ST3GAL1: variants seen among roughly 807,000 people sequenced by gnomAD.
ST3GAL1 encodes ST3 beta-galactoside alpha-2,3-sialyltransferase 1.
Under a neutral mutation model 34.1 loss-of-function variants are expected in ST3GAL1, and 16 were observed. The observed-to-expected ratio is 0.47, with a 90% CI of 0.32 to 0.71. The LOEUF (loss-of-function observed/expected upper bound fraction) is 0.71. ST3GAL1 is among the 30% of genes least tolerant of loss of function. The pLI is 0.04. For missense variants in ST3GAL1, 353 were observed against 447.4 expected (o/e 0.79, Z 1.90); for synonymous variants, 191 against 184.7 (o/e 1.03, Z -0.28).
At position 133,556,103 on chromosome 8, in the gene ST3GAL1, C is replaced by G. The variant is rs899186272; in HGVS notation, c.-581-10177G>C. On this transcript the variant is annotated intron_variant, in intron 1 of 9. Coordinates refer to ENST00000522652, the MANE Select transcript of ST3GAL1 (RefSeq NM_173344.3). This position sits in a 1 kb window ranked among gnomAD's most constrained non-coding sequence, Gnocchi z 8.9. ...TAGAGACGGGGTTTCATCATGTTGC[C>G]CAGGCTGATCTCGAACTCCTGAGCT... Among the ~76,000 whole-genome samples the G allele has an allele frequency of 7.9e-5, 12 of 152,052 alleles. No homozygotes were observed. Among genetic ancestry groups the G allele is most frequent in the African/African-American group, 2.9e-4 (12 of 41,378 alleles).
At chr8:133,562,132 C>A (rs1213730845) in intron 1 of ST3GAL1, among the ~76,000 whole-genome samples, 1 of 151,714 alleles carries the variant, frequency 6.6e-6, no homozygotes, top group Non-Finnish European at 1.5e-5. Flanking sequence ...ATGATAATTT[C>A]AGACACACAG....
At chr8:133,500,993 T>C (rs1817132794) in intron 2 of ST3GAL1, among the ~76,000 whole-genome samples, 1 of 152,196 alleles carries the variant, frequency 6.6e-6, no homozygotes, top group Admixed American at 6.5e-5. Flanking sequence ...CTAACACTGC[T>C]GGGCTGAGCC....
intron 2 of ST3GAL1, among the ~76,000 whole-genome samples, chr8:133,528,639 T>C (rs1397378698): frequency 1.3e-5 from 2 of 152,270 alleles, no homozygotes; most frequent in African/African-American, 4.8e-5. Flanking sequence ...CACAAATACA[T>C]TCATTCATTT....
At position 133,466,105 on chromosome 8, in the gene ST3GAL1, C is replaced by G; in HGVS notation, c.307-15G>C. On this transcript the variant is annotated splice_polypyrimidine_tract_variant and intron_variant, in intron 5 of 9. Transcript: ENST00000522652. The surrounding 1 kb of genome is among the most constrained non-coding windows in gnomAD (Gnocchi z 4.4). ...CGCTGGAGCCTCTGTGGGCGGAGGA[C>G]AGAAGGTGGTCAACCTGGCTTTGTG... 6.2e-7 allele frequency: 1 copy of G among 1,600,022 alleles called. No individual in the cohort carries two copies. The highest frequency in any genetic ancestry group is 8.5e-7 in the Non-Finnish European group (1 of 1,170,578).
intron 9 of ST3GAL1, among the ~76,000 whole-genome samples, chr8:133,460,993 G>T (rs1486730124): frequency 6.6e-6 from 1 of 152,168 alleles, no homozygotes; most frequent in East Asian, 1.9e-4. Flanking sequence ...GAACGTTAGG[G>T]CCAAATCGGT....
intron 2 of ST3GAL1, among the ~76,000 whole-genome samples, chr8:133,502,830 CTATT>C (rs1817226035): frequency 6.6e-6 from 1 of 152,190 alleles, no homozygotes; most frequent in Non-Finnish European, 1.5e-5. Flanking sequence ...CATTATGCAA[CTATT>C]TATTCCCCTT....
chr8:133,521,170 G>A (rs1817797250), intron 2 of ST3GAL1, among the ~76,000 whole-genome samples: 1 of 95,514 alleles, frequency 1.0e-5, no homozygotes, highest in Non-Finnish European at 2.0e-5. Flanking sequence ...GTCTTGCTCT[G>A]TTGCCCAGGC....
intron 1 of ST3GAL1, among the ~76,000 whole-genome samples, chr8:133,555,123 G>A (rs1353596476): frequency 6.6e-6 from 1 of 152,140 alleles, no homozygotes; most frequent in Non-Finnish European, 1.5e-5. Flanking sequence ...GAGGAAGCAG[G>A]CCACCCCCGC....
Position 133,571,803 on chromosome 8 carries a change from C to G in ST3GAL1, c.-692G>C, listed in dbSNP as rs543073004. On this transcript the variant is annotated 5_prime_UTR_variant, in exon 1 of 10. Coordinates refer to ENST00000522652, the MANE Select transcript of ST3GAL1 (RefSeq NM_173344.3). The surrounding 1 kb of genome is among the most constrained non-coding windows in gnomAD (Gnocchi z 6.7). ...TTGCCCCCTTCCCAGCTCACATCGC[C>G]TCTTCCTTCTCTCTCCGCTCTTCTT... 6.5e-6 allele frequency: 1 copy of G among 153,842 alleles called. No individual in the cohort carries two copies. The highest frequency in any genetic ancestry group is 2.4e-5 in the African/African-American group (1 of 41,512). 9.5% of individuals were successfully genotyped at this position (153,842 alleles called of 1,614,324 possible). A position where few individuals can be genotyped will look rare whatever the true frequency, so the allele number is the denominator to read the frequency against.
At position 133,475,974 on chromosome 8, in the gene ST3GAL1, G is replaced by A; in HGVS notation, c.51C>T (p.Leu17=). The part of the protein sequence containing the change: ...RTLKVLTFLV[L]FIFLTSFFLN... Reference sequence around the variant, plus strand: ...GGAAGAAGGAGGTGAGGAAGATGAAGAGCACGAGGAAGGTGAGCACTTTCA... The same window carrying A: ...GGAAGAAGGAGGTGAGGAAGATGAAAAGCACGAGGAAGGTGAGCACTTTCA... The change falls in exon 5 of 10, where the codon CTC becomes CTT. Residue 17 remains leucine, a synonymous_variant. Coordinates refer to ENST00000522652, the MANE Select transcript of ST3GAL1 (RefSeq NM_173344.3). 1 of 1,613,002 alleles carries A rather than the reference G, an allele frequency of 6.2e-7. No homozygotes were observed. The highest frequency in any genetic ancestry group is 8.5e-7 in the Non-Finnish European group (1 of 1,179,440).
chr8:133,534,336 A>G (rs2131050774), intron 2 of ST3GAL1, among the ~76,000 whole-genome samples: 1 of 151,034 alleles, frequency 6.6e-6, no homozygotes, highest in Non-Finnish European at 1.5e-5. Context: ...TTGGACATAT[A>G]TTATATAATA....
chr8:133,505,801 C>G (rs1366242440), intron 2 of ST3GAL1, among the ~76,000 whole-genome samples: 1 of 152,016 alleles, frequency 6.6e-6, no homozygotes, highest in Non-Finnish European at 1.5e-5. Context: ...CAGGGTTTCA[C>G]TATATTGGCC....
intron 2 of ST3GAL1, among the ~76,000 whole-genome samples, chr8:133,500,465 T>TC (rs1275291488): frequency 6.6e-6 from 1 of 152,182 alleles, no homozygotes; most frequent in Non-Finnish European, 1.5e-5. Flanking sequence ...TGCGTCCTTT[T>TC]CCCCAACACT....
At chr8:133,552,569 C>T (rs965578351) in intron 1 of ST3GAL1, among the ~76,000 whole-genome samples, 2 of 152,178 alleles carry the variant, frequency 1.3e-5, no homozygotes, top group Non-Finnish European at 2.9e-5. Flanking sequence ...CCTTTGGGTG[C>T]GGTGGCATCT....
Position 133,541,120 on chromosome 8 carries a change from T to TATAGAGAG in ST3GAL1, c.-429+4653_-429+4654insCTCTCTAT, listed in dbSNP as rs71299078. ...ACATATATATATATATATATATATA[T>TATAGAGAG]AGAGAGAGAGAGAGAGAGAGAGAGA... On this transcript the variant is annotated intron_variant, in intron 2 of 9. Coordinates refer to ENST00000522652, the MANE Select transcript of ST3GAL1 (RefSeq NM_173344.3). Among the ~76,000 whole-genome samples the TATAGAGAG allele has an allele frequency of 3.8e-3, 185 of 48,622 alleles. 28 individuals are homozygous for TATAGAGAG. The highest frequency in any genetic ancestry group is 0.01 in the African/African-American group (105 of 10,132). 31.9% of individuals were successfully genotyped at this position (48,622 alleles called of 152,430 possible). A position where few individuals can be genotyped will look rare whatever the true frequency, so the allele number is the denominator to read the frequency against.
At chr8:133,539,376 G>A (rs1818400283) in intron 2 of ST3GAL1, among the ~76,000 whole-genome samples, 1 of 152,176 alleles carries the variant, frequency 6.6e-6, no homozygotes, top group African/African-American at 2.4e-5. Flanking sequence ...CGCTGACACT[G>A]CAGCTCACAA....
chr8:133,498,972 C>A (rs1257885352), intron 3 of ST3GAL1, among the ~76,000 whole-genome samples, 163 bp downstream of exon 3: 1 of 152,206 alleles, frequency 6.6e-6, no homozygotes, highest in Non-Finnish European at 1.5e-5. Flanking sequence ...ATTTTTGGAC[C>A]CAGGGGCCCT....
In ST3GAL1 at chr8:133,541,120, T is replaced by TATATAGAGAGAGAGAGAG. The variant is rs71299078; in HGVS notation, c.-429+4653_-429+4654insCTCTCTCTCTCTCTATAT. On this transcript the variant is annotated intron_variant, in intron 2 of 9. Transcript: ENST00000522652. ...ACATATATATATATATATATATATA[T>TATATAGAGAGAGAGAGAG]AGAGAGAGAGAGAGAGAGAGAGAGA... Among the ~76,000 whole-genome samples, 20 of 48,644 alleles carry TATATAGAGAGAGAGAGAG rather than the reference T, an allele frequency of 4.1e-4. 2 individuals carry two copies. Among genetic ancestry groups the TATATAGAGAGAGAGAGAG allele is most frequent in the African/African-American group, 1.6e-3 (16 of 10,138 alleles). The allele number at this position is 48,644 out of a possible 152,430, so 31.9% of individuals were successfully genotyped here.
intron 1 of ST3GAL1, among the ~76,000 whole-genome samples, chr8:133,569,039 G>A (rs909796725): frequency 1.3e-5 from 2 of 152,180 alleles, no homozygotes; most frequent in Non-Finnish European, 2.9e-5. Context: ...AGAGCTTCGA[G>A]GAACAGACTC....
Sources: gnomAD v4.1 joint callset for allele counts (sites outside exome capture counted in the v4.1 genomes callset) on GRCh38, gnomAD v4.1.1 for gene constraint, Gnocchi (gnomAD v3.1) non-coding constraint, MANE v1.5 for transcripts, NCBI Gene and HGNC (gene_info 2026-07-23, HGNC 2026-07-21) for gene names.